Variants in SLC52A3 observed in about 807,000 individuals in gnomAD.
SLC52A3 encodes solute carrier family 52, riboflavin transporter, member 3.
Under a neutral mutation model 29.5 loss-of-function variants are expected in SLC52A3, and 20 were observed. The ratio of observed to expected loss-of-function variants is 0.68; its 90% CI spans 0.48 to 0.99. The LOEUF is 0.99. Among genes scored for constraint, SLC52A3 ranks in the 50% least tolerant of loss-of-function variants. SLC52A3 has a pLI of 0.00. For missense variants in SLC52A3, 548 were observed against 612.9 expected, an observed-to-expected ratio of 0.89 and a Z score of 1.12; for synonymous variants, 301 against 271.0, an observed-to-expected ratio of 1.11 and a Z score of -1.09.
upstream of SLC52A3, among the ~76,000 whole-genome samples, chr20:779,427 GC>G (rs1987152522): frequency 6.6e-6 from 1 of 152,202 alleles, no homozygotes. Context: ...TTGGAGACCA[GC>G]CTGGCCAACA....
chr20:775,149 T>G (rs1986973791), intron 1 of SLC52A3, among the ~76,000 whole-genome samples: 1 of 151,596 alleles, frequency 6.6e-6, no homozygotes, highest in South Asian at 2.1e-4. Flanking sequence ...CCAGTTCCCC[T>G]CCCCTCCACG....
chr20:763,375 A>C, intron 3 of SLC52A3, 123 bp downstream of exon 3: 1 of 1,315,840 alleles, frequency 7.6e-7, no homozygotes, highest in Non-Finnish European at 1.1e-6. Context: ...GATTTGGACC[A>C]GGGTGCTCCC....
Position 765,949 on chromosome 20 carries a change from T to C in SLC52A3, c.-51-124A>G, listed in dbSNP as rs1316360828. The C allele has an allele frequency of 7.9e-6, 5 of 635,080 alleles. No homozygotes were observed. Among genetic ancestry groups the C allele is most frequent in the Non-Finnish European group, 1.4e-5 (5 of 364,174 alleles). 39.3% of individuals were successfully genotyped at this position (635,080 alleles called of 1,614,324 possible). A position where few individuals can be genotyped will look rare whatever the true frequency, so the allele number is the denominator to read the frequency against. On this transcript the variant is annotated intron_variant, in intron 1 of 4. Transcript: ENST00000645534. This position sits in a 1 kb window ranked among gnomAD's most constrained non-coding sequence, Gnocchi z 6.6. Reference sequence around the variant, plus strand: ...GTGAACAAGCTGGCTTTTTTTTTTTTCCTTTGAGACATAGTTTCACTCTTT... The same window carrying C: ...GTGAACAAGCTGGCTTTTTTTTTTTCCCTTTGAGACATAGTTTCACTCTTT...
chr20:771,061 T>C (rs1339868008), upstream of SLC52A3, among the ~76,000 whole-genome samples: 2 of 152,262 alleles, frequency 1.3e-5, no homozygotes, highest in Admixed American at 6.5e-5. Context: ...GTTTGTTTAA[T>C]GTTGTTGTTA....
upstream of SLC52A3, among the ~76,000 whole-genome samples, chr20:772,164 C>A (rs2122547718): frequency 6.6e-6 from 1 of 152,302 alleles, no homozygotes; most frequent in East Asian, 1.9e-4. Flanking sequence ...GCAGAAGTAG[C>A]CTCACTTTCT....
Position 761,958 on chromosome 20 carries a change from G to A in SLC52A3, c.1074-134C>T, listed in dbSNP as rs1986505312. 3.7e-6 allele frequency: 5 copies of A among 1,355,078 alleles called. 1 individual carries two copies. The South Asian group carries it at 6.3e-5, about 17-fold the overall frequency. 83.9% of individuals were successfully genotyped at this position (1,355,078 alleles called of 1,614,324 possible). A position where few individuals can be genotyped will look rare whatever the true frequency, so the allele number is the denominator to read the frequency against. ...CATGTGGAAAATTCCAGGTTGCCTG[G>A]CTCAAGTGGGTCAGGGAGGCTCCTG... On this transcript the variant is annotated intron_variant, in intron 3 of 4. Coordinates refer to ENST00000645534, the MANE Select transcript of SLC52A3 (RefSeq NM_033409.4).
At position 761,900 on chromosome 20, in the gene SLC52A3, G is replaced by A. The variant is rs149359719; in HGVS notation, c.1074-76C>T. 7.3e-4 allele frequency: 1,162 copies of A among 1,600,828 alleles called. 5 individuals carry two copies. The African/African-American group carries it at 0.013, about 18-fold the overall frequency. On this transcript the variant is annotated intron_variant, in intron 3 of 4. Coordinates refer to ENST00000645534, the MANE Select transcript of SLC52A3 (RefSeq NM_033409.4). ...CCCCCCGCCCCACTGGGCGGCATGTGGATGGCCAGTGTCTCCATAGTTAGT... is the reference window on the plus strand; with the variant it reads ...CCCCCCGCCCCACTGGGCGGCATGTAGATGGCCAGTGTCTCCATAGTTAGT...
chr20:770,327 T>A (rs1344587373), upstream of SLC52A3, among the ~76,000 whole-genome samples: 1 of 152,122 alleles, frequency 6.6e-6, no homozygotes, highest in East Asian at 1.9e-4. This position sits in a 1 kb window ranked among gnomAD's most constrained non-coding sequence, Gnocchi z 4.5. Context: ...CGGCTAATTT[T>A]TTATATTTCT....
intron 1 of SLC52A3, among the ~76,000 whole-genome samples, chr20:775,629 G>A (rs1179092089): frequency 6.6e-6 from 1 of 152,100 alleles, no homozygotes; most frequent in Non-Finnish European, 1.5e-5. Context: ...AATTCACCTG[G>A]ATGGCTCAGC....
chr20:774,502 G>A (rs1158177844), intron 1 of SLC52A3, among the ~76,000 whole-genome samples: 2 of 152,220 alleles, frequency 1.3e-5, no homozygotes, highest in East Asian at 1.9e-4. Context: ...GGGAGATGAA[G>A]GGGAGTGAGA....
upstream of SLC52A3, among the ~76,000 whole-genome samples, chr20:772,917 G>GAA: frequency 6.6e-6 from 1 of 152,286 alleles, no homozygotes; most frequent in Non-Finnish European, 1.5e-5. Flanking sequence ...AAAGGCCCTG[G>GAA]GGTGCGGCCA....
At chr20:771,488 A>G (rs6140144), upstream of SLC52A3, among the ~76,000 whole-genome samples, 16,154 of 152,244 alleles carry the variant, frequency 0.11, 1,232 homozygotes, top group East Asian at 0.44. Flanking sequence ...AGAGATACAC[A>G]TTCCAGGATA....
At chr20:776,216 T>C (rs1394334216), upstream of SLC52A3, among the ~76,000 whole-genome samples, 5 of 152,178 alleles carry the variant, frequency 3.3e-5, no homozygotes, top group African/African-American at 4.8e-5. Flanking sequence ...TGATCCCCAG[T>C]TGACAAAAGC....
At chr20:771,669 G>GAAAAAAAAAAAAAA (rs10624782), upstream of SLC52A3, among the ~76,000 whole-genome samples, 1 of 128,626 alleles carries the variant, frequency 7.8e-6, no homozygotes. Context: ...GCAGAGATAT[G>GAAAAAAAAAAAAAA]AAAAAAAAAA....
chr20:766,648 T>C (rs960707555), intron 1 of SLC52A3, among the ~76,000 whole-genome samples: 1 of 151,526 alleles, frequency 6.6e-6, no homozygotes. Context: ...TTCCACTACC[T>C]ACCCAAATCC....
chr20:761,805 C>T lies in SLC52A3; in HGVS notation c.1093G>A (p.Val365Ile), dbSNP rs763929903. Residue 365 changes from valine (V) to isoleucine (I), a missense_variant, in exon 4 of 5, where the codon GTC (valine) becomes ATC (isoleucine). Coordinates refer to ENST00000645534, the MANE Select transcript of SLC52A3 (RefSeq NM_033409.4). ...AAGCAGGTCCCAAGCACGGAGAGGA[C>T]CCCCAGGAACAGCAGAGACCTAGAG... ...LPNRSLLFLGVLSVLGTCFGG... is the reference protein window; with the variant it reads ...LPNRSLLFLGILSVLGTCFGG... 1 of 1,614,154 alleles carries T rather than the reference C, an allele frequency of 6.2e-7. No homozygotes were observed. The highest frequency in any genetic ancestry group is 1.1e-5 in the South Asian group (1 of 91,078).
Position 765,127 on chromosome 20 carries a change from G to T in SLC52A3, c.567+81C>A. On this transcript the variant is annotated intron_variant, in intron 2 of 4. Coordinates refer to ENST00000645534, the MANE Select transcript of SLC52A3 (RefSeq NM_033409.4). This position sits in a 1 kb window ranked among gnomAD's most constrained non-coding sequence, Gnocchi z 6.6. ...CATAGGCCGACCAAAGAACCTAGAA[G>T]GATGGAGGTGAGCAGTTTTTCCCTC... 1 of 1,492,944 alleles carries T rather than the reference G, an allele frequency of 6.7e-7. No homozygotes were observed. 92.5% of individuals were successfully genotyped at this position (1,492,944 alleles called of 1,614,324 possible).
At chr20:762,634 G>A (rs925619016) in intron 3 of SLC52A3, among the ~76,000 whole-genome samples, 1 of 152,164 alleles carries the variant, frequency 6.6e-6, no homozygotes, top group Non-Finnish European at 1.5e-5. Context: ...CTAACATTTG[G>A]GGTTTCTTGG....
chr20:770,414 T>TC (rs1235126001), upstream of SLC52A3, among the ~76,000 whole-genome samples: 1 of 152,196 alleles, frequency 6.6e-6, no homozygotes, highest in Non-Finnish European at 1.5e-5. This position sits in a 1 kb window ranked among gnomAD's most constrained non-coding sequence, Gnocchi z 4.5. Flanking sequence ...CGCCTCAGCC[T>TC]CCCAGAGTGC....
Sources: allele counts gnomAD v4.1 joint callset (sites outside exome capture counted in the v4.1 genomes callset), GRCh38; gene constraint gnomAD v4.1.1; non-coding constraint Gnocchi (gnomAD v3.1); transcripts MANE v1.5; gene names NCBI Gene and HGNC (gene_info 2026-07-23, HGNC 2026-07-21).